The following RBFOX1 variants were observed in gnomAD, a reference collection of about 807,000 sequenced individuals.
The protein encoded by RBFOX1 is RNA binding fox-1 homolog 1.
A neutral mutation model predicts 57.7 loss-of-function variants in RBFOX1; 8 were observed. The observed-to-expected ratio is 0.14, with a 90% CI of 0.08 to 0.25. The LOEUF is 0.25. Ranked by LOEUF, RBFOX1 falls within the 10% of genes least tolerant of loss-of-function variation. RBFOX1 has a pLI of 1.00. For missense variants in RBFOX1, 611 were observed against 548.5 expected (o/e 1.11, Z -1.14); for synonymous variants, 326 against 222.4 (o/e 1.47, Z -4.15).
intron 3 of RBFOX1, among the ~76,000 whole-genome samples, chr16:7,040,868 C>T (rs763328216): frequency 1.2e-4 from 18 of 151,958 alleles, no homozygotes; most frequent in African/African-American, 3.1e-4. Context: ...CAGCTCACTG[C>T]GTGATTCTGT....
intron 2 of RBFOX1, among the ~76,000 whole-genome samples, chr16:6,456,655 G>C (rs1192606044): frequency 6.6e-6 from 1 of 152,154 alleles, no homozygotes; most frequent in Non-Finnish European, 1.5e-5. Context: ...AGAGAGGAGA[G>C]GAACATCAGT....
chr16:6,016,565 G>C (rs1200307865), upstream of RBFOX1, among the ~76,000 whole-genome samples: 1 of 152,194 alleles, frequency 6.6e-6, no homozygotes, highest in East Asian at 1.9e-4. Context: ...ACACTTTAGA[G>C]AGCTCTCAGC....
chr16:5,452,472 T>G (rs543915332), intron 1 of RBFOX1, among the ~76,000 whole-genome samples: 28 of 152,128 alleles, frequency 1.8e-4, no homozygotes, highest in African/African-American at 6.7e-4. Context: ...ATTTCACTTC[T>G]TAAACATTTC....
intron 4 of RBFOX1, among the ~76,000 whole-genome samples, chr16:7,097,780 A>C (rs2061955044): frequency 6.6e-6 from 1 of 152,206 alleles, no homozygotes; most frequent in Admixed American, 6.5e-5. Flanking sequence ...TCTGATGAAA[A>C]GAGGGAGAAA....
chr16:5,366,351 G>C (rs1293129177), intron 1 of RBFOX1: 8 of 364,982 alleles, frequency 2.2e-5, no homozygotes, highest in African/African-American at 1.7e-4. Context: ...TGATGATTTT[G>C]ATAATGAGAA....
In RBFOX1 at chr16:7,411,244, AC is replaced by A. The variant is rs2098422051; in HGVS notation, c.28-106902del. Among the ~76,000 whole-genome samples the A allele has an allele frequency of 1.5e-4, 4 of 26,652 alleles. No individual in the cohort carries two copies. In the South Asian group the frequency reaches 9.9e-3, roughly 66 times the overall value. 17.5% of individuals were successfully genotyped at this position (26,652 alleles called of 152,430 possible). A position where few individuals can be genotyped will look rare whatever the true frequency, so the allele number is the denominator to read the frequency against. ...TACAGCCACCACACCTGGCCAATCA[AC>A]TTTGAATTCTAAGAATGGGTGACAA... On this transcript the variant is annotated intron_variant, in intron 4 of 15. Transcript: ENST00000550418.
intron 4 of RBFOX1, among the ~76,000 whole-genome samples, chr16:7,210,593 G>A (rs185262381): frequency 1.4e-4 from 21 of 149,888 alleles, no homozygotes; most frequent in African/African-American, 2.5e-4. Context: ...AAGACTGACC[G>A]TCATACTGAT....
At chr16:7,545,987 T>C (rs187098078) in intron 5 of RBFOX1, among the ~76,000 whole-genome samples, 2 of 146,960 alleles carry the variant, frequency 1.4e-5, no homozygotes, top group East Asian at 4.0e-4. Flanking sequence ...AAGCACTTAT[T>C]ACTATTATTC....
At chr16:7,692,491 AAT>A (rs2077565990) in intron 14 of RBFOX1, among the ~76,000 whole-genome samples, 3 of 151,974 alleles carry the variant, frequency 2.0e-5, no homozygotes, top group African/African-American at 4.8e-5. Flanking sequence ...CCATAAGCAT[AAT>A]AAAAATCTAA....
intron 5 of RBFOX1, among the ~76,000 whole-genome samples, chr16:7,543,124 C>A (rs1352564299): frequency 6.6e-6 from 1 of 152,194 alleles, no homozygotes; most frequent in Non-Finnish European, 1.5e-5. Context: ...TGTTTCTGCA[C>A]CCCGCCATGC....
At chr16:7,351,717 C>G (rs190441830) in intron 4 of RBFOX1, among the ~76,000 whole-genome samples, 58 of 152,250 alleles carry the variant, frequency 3.8e-4, no homozygotes, top group Admixed American at 9.2e-4. Flanking sequence ...CTCCCATGCC[C>G]TAAATACCCA....
At chr16:7,606,478 C>A (rs1467384830) in intron 9 of RBFOX1, among the ~76,000 whole-genome samples, 1 of 152,146 alleles carries the variant, frequency 6.6e-6, no homozygotes, top group Non-Finnish European at 1.5e-5. Flanking sequence ...TAACAAAACC[C>A]TAAAACGTGA....
At chr16:5,361,823 A>T (rs1203936528) in intron 1 of RBFOX1, among the ~76,000 whole-genome samples, 1 of 152,214 alleles carries the variant, frequency 6.6e-6, no homozygotes, top group Non-Finnish European at 1.5e-5. Context: ...AGTTAGTGGG[A>T]GACATAGAGA....
At chr16:5,633,186 C>T (rs1025978440) in intron 3 of RBFOX1, among the ~76,000 whole-genome samples, 1 of 152,020 alleles carries the variant, frequency 6.6e-6, no homozygotes, top group African/African-American at 2.4e-5. Flanking sequence ...ATCCAGCTGC[C>T]TCGGCCTCCC....
intron 4 of RBFOX1, among the ~76,000 whole-genome samples, chr16:7,435,231 T>C (rs953568195): frequency 6.6e-6 from 1 of 152,196 alleles, no homozygotes; most frequent in African/African-American, 2.4e-5. Context: ...TGCTTGTATT[T>C]AACGACCTTG....
chr16:7,280,977 C>CT, intron 4 of RBFOX1, among the ~76,000 whole-genome samples: 1 of 112,266 alleles, frequency 8.9e-6, no homozygotes, highest in Middle Eastern at 4.2e-3. Flanking sequence ...CCCTCCCTCC[C>CT]TCCCTCCCTC....
At chr16:7,021,976 T>TTCCCCCTCCCCTTCCCCC in intron 3 of RBFOX1, among the ~76,000 whole-genome samples, 1 of 49,524 alleles carries the variant, frequency 2.0e-5, no homozygotes, top group South Asian at 1.1e-3. Context: ...CTCCCTCCCC[T>TTCCCCCTCCCCTTCCCCC]TCCCCCTCCC....
At chr16:6,188,046 G>A (rs1050008124) in intron 1 of RBFOX1, among the ~76,000 whole-genome samples, 7 of 152,094 alleles carry the variant, frequency 4.6e-5, no homozygotes, top group Admixed American at 2.6e-4. Flanking sequence ...CAGTGTCCAC[G>A]AAGGATCCTC....
intron 2 of RBFOX1, among the ~76,000 whole-genome samples, chr16:6,587,123 G>A (rs1410849194): frequency 1.3e-5 from 2 of 151,906 alleles, no homozygotes; most frequent in Non-Finnish European, 2.9e-5. Flanking sequence ...AGGTCTGTTG[G>A]ATTTATTCCT....
Sources: allele counts gnomAD v4.1 joint callset (sites outside exome capture counted in the v4.1 genomes callset), GRCh38; gene constraint gnomAD v4.1.1; transcripts MANE v1.5; gene names NCBI Gene and HGNC (gene_info 2026-07-23, HGNC 2026-07-21).